The following ZNF365 variants were observed in gnomAD, a reference collection of about 807,000 sequenced individuals.
ZNF365 encodes the protein zinc finger protein 365, also known as protein ZNF365.
ZNF365 carries 22 observed loss-of-function variants against 35.0 expected under a neutral mutation model. The ratio of observed to expected loss-of-function variants is 0.63; its 90% CI spans 0.45 to 0.90. The LOEUF is 0.90. ZNF365 is among the 40% of genes least tolerant of loss of function. The pLI is 0.00. For synonymous variants in ZNF365, 188 were observed against 196.2 expected, an observed-to-expected ratio of 0.96 and a Z score of 0.35; for missense variants, 448 against 500.3, an observed-to-expected ratio of 0.90 and a Z score of 1.00.
intron 2 of ZNF365, among the ~76,000 whole-genome samples, chr10:62,384,988 G>A (rs1048677554): frequency 1.2e-4 from 18 of 152,134 alleles, no homozygotes; most frequent in Admixed American, 9.2e-4. Flanking sequence ...GTGAATGAAC[G>A]GTGGATCTGA....
At chr10:62,387,130 G>T (rs562012120) in intron 2 of ZNF365, among the ~76,000 whole-genome samples, 47 of 152,292 alleles carry the variant, frequency 3.1e-4, no homozygotes, top group Middle Eastern at 3.4e-3. Flanking sequence ...ATGACTAAAA[G>T]GATATTCATG....
At chr10:62,477,672 G>A (rs1841155701) in intron 4 of ZNF365, among the ~76,000 whole-genome samples, 2 of 152,120 alleles carry the variant, frequency 1.3e-5, no homozygotes, top group African/African-American at 4.8e-5. Flanking sequence ...CATACTAAAT[G>A]CCCATTACAG....
intron 3 of ZNF365, among the ~76,000 whole-genome samples, chr10:62,437,954 A>C (rs1003916105): frequency 1.3e-5 from 2 of 152,182 alleles, no homozygotes; most frequent in African/African-American, 2.4e-5. Flanking sequence ...ATCCAACATC[A>C]TTCTTCTGTC....
chr10:62,395,368 G>A (rs1253392687), intron 3 of ZNF365, among the ~76,000 whole-genome samples: 9 of 148,422 alleles, frequency 6.1e-5, no homozygotes, highest in African/African-American at 2.2e-4. Context: ...TTTTCGAGGC[G>A]CTCTTGTTGC....
chr10:62,443,431 C>T (rs186220953), intron 3 of ZNF365, among the ~76,000 whole-genome samples: 3 of 152,262 alleles, frequency 2.0e-5, no homozygotes, highest in East Asian at 1.9e-4. Context: ...CCTTCCTTCT[C>T]GGGTTCCTCT....
chr10:62,388,182 T>C (rs1212013135), intron 2 of ZNF365, among the ~76,000 whole-genome samples: 1 of 152,236 alleles, frequency 6.6e-6, no homozygotes, highest in Non-Finnish European at 1.5e-5. Context: ...ATCTGACATA[T>C]ATTTATTTGT....
intron 3 of ZNF365, among the ~76,000 whole-genome samples, chr10:62,415,531 A>T (rs1048437861): frequency 3.9e-5 from 6 of 152,168 alleles, no homozygotes; most frequent in African/African-American, 1.4e-4. Flanking sequence ...CATTAGCATT[A>T]TGAAACAGTA....
At chr10:62,477,252 A>G (rs1841147493) in intron 4 of ZNF365, among the ~76,000 whole-genome samples, 1 of 152,216 alleles carries the variant, frequency 6.6e-6, no homozygotes, top group African/African-American at 2.4e-5. Flanking sequence ...AGAGAACACT[A>G]ACTTAAATAA....
At chr10:62,418,217 CT>C (rs1005319985) in intron 3 of ZNF365, among the ~76,000 whole-genome samples, 1 of 151,808 alleles carries the variant, frequency 6.6e-6, no homozygotes, top group South Asian at 2.1e-4. Context: ...GTCAATATTT[CT>C]TTTTTTGACA....
chr10:62,428,944 C>T (rs1020522425), intron 3 of ZNF365, among the ~76,000 whole-genome samples: 1 of 152,134 alleles, frequency 6.6e-6, no homozygotes, highest in Non-Finnish European at 1.5e-5. Flanking sequence ...TACACTGTGG[C>T]CAATTTCAGG....
intron 3 of ZNF365, among the ~76,000 whole-genome samples, chr10:62,422,904 C>G (rs900989113): frequency 1.3e-5 from 2 of 152,194 alleles, no homozygotes; most frequent in East Asian, 3.9e-4. Flanking sequence ...CCCTTGGCAC[C>G]TACTTTTGCT....
chr10:62,438,246 T>C (rs1036703559), intron 3 of ZNF365, among the ~76,000 whole-genome samples: 1 of 151,624 alleles, frequency 6.6e-6, no homozygotes. Context: ...TGGAGTGCAA[T>C]GGCTCTATCT....
chr10:62,452,926 C>A (rs550909856), intron 3 of ZNF365, among the ~76,000 whole-genome samples: 13 of 152,314 alleles, frequency 8.5e-5, no homozygotes, highest in African/African-American at 1.7e-4. Context: ...TAAATATATT[C>A]TTTGCTGTGG....
At chr10:62,475,812 G>A (rs1841121350) in intron 4 of ZNF365, among the ~76,000 whole-genome samples, 1 of 152,206 alleles carries the variant, frequency 6.6e-6, no homozygotes, top group Non-Finnish European at 1.5e-5. Context: ...GCCACCAGCT[G>A]TGATCAATTA....
At chr10:62,479,234 C>A (rs1247097850) in intron 4 of ZNF365, among the ~76,000 whole-genome samples, 1 of 152,208 alleles carries the variant, frequency 6.6e-6, no homozygotes, top group Non-Finnish European at 1.5e-5. Flanking sequence ...TGTTCAAAGA[C>A]ATATCCATAT....
At position 62,376,693 on chromosome 10, in the gene ZNF365, G is replaced by A. The variant is rs530339038; in HGVS notation, c.500G>A (p.Arg167Gln). Residue 167 changes from arginine (R) to glutamine (Q), a missense_variant, in exon 2 of 5, where the codon CGA becomes CAA. Coordinates refer to ENST00000395254, the MANE Select transcript of ZNF365 (RefSeq NM_014951.3). ...GCACATGTCAGAGAAAAATTCAATC[G>A]AATGGTTGAGGCTGTGGATAGGACC... ...FEAHVREKFN[R>Q]MVEAVDRTIE... The A allele has an allele frequency of 4.0e-5, 64 of 1,614,020 alleles. No homozygotes were observed. In the South Asian group the frequency reaches 5.9e-4, roughly 15 times the overall value.
intron 4 of ZNF365, among the ~76,000 whole-genome samples, chr10:62,473,370 A>G (rs984311249): frequency 6.6e-6 from 1 of 152,216 alleles, no homozygotes; most frequent in Non-Finnish European, 1.5e-5. Context: ...AACTTTGTTG[A>G]TCTGACTTCT....
At chr10:62,407,231 T>C (rs1176925807), downstream of ZNF365, among the ~76,000 whole-genome samples, 1 of 152,234 alleles carries the variant, frequency 6.6e-6, no homozygotes, top group East Asian at 1.9e-4. Context: ...TGAGGTCAGC[T>C]TGCCCTCTGA....
At chr10:62,379,839 C>G (rs1839405990) in intron 2 of ZNF365, among the ~76,000 whole-genome samples, 1 of 152,156 alleles carries the variant, frequency 6.6e-6, no homozygotes, top group Admixed American at 6.5e-5. Context: ...TTGCCAAGGA[C>G]CATACCCGGA....
Sources: allele counts gnomAD v4.1 joint callset (sites outside exome capture counted in the v4.1 genomes callset), GRCh38; gene constraint gnomAD v4.1.1; transcripts MANE v1.5; gene names NCBI Gene and HGNC (gene_info 2026-07-23, HGNC 2026-07-21).